The following NR2C1 variants were observed in gnomAD, a reference collection of about 807,000 sequenced individuals.
The protein encoded by NR2C1 is TR2 nuclear hormone receptor.
A neutral mutation model predicts 74.8 loss-of-function variants in NR2C1; 33 were observed. The ratio of observed to expected loss-of-function variants is 0.44; its 90% CI spans 0.33 to 0.59. The LOEUF (loss-of-function observed/expected upper bound fraction) is 0.59. Among genes scored for constraint, NR2C1 ranks in the 20% least tolerant of loss-of-function variants. The probability of loss-of-function intolerance (pLI) is 0.02; values close to 1 mark genes in which losing one functional copy is unlikely to be tolerated. For synonymous variants in NR2C1, 225 were observed against 240.6 expected (o/e 0.94, Z 0.60); for missense variants, 568 against 715.6 (o/e 0.79, Z 2.35).
intron 10 of NR2C1, among the ~76,000 whole-genome samples, chr12:95,031,855 G>GA (rs1870152930): frequency 6.6e-6 from 1 of 152,130 alleles, no homozygotes; most frequent in Non-Finnish European, 1.5e-5. Context: ...CCTTTTAAAA[G>GA]AAAGAGCAAT....
chr12:95,030,939 A>G (rs1011339788), intron 11 of NR2C1: 89 of 1,186,012 alleles, frequency 7.5e-5, no homozygotes, highest in African/African-American at 1.8e-4. Flanking sequence ...AGGTGAGAGA[A>G]TACACTCTGA....
Position 95,022,132 on chromosome 12 carries a change from G to C in NR2C1, c.*97C>G. 1.0e-6 allele frequency: 1 copy of C among 999,210 alleles called. No homozygotes were observed. Among genetic ancestry groups the C allele is most frequent in the Non-Finnish European group, 1.4e-6 (1 of 720,770 alleles). The allele number at this position is 999,210 out of a possible 1,614,324, so 61.9% of individuals were successfully genotyped here. Reference sequence around the variant, plus strand: ...CCTTGGATTCTGGTTACTTTTTAAAGTAAAAATTTCCAGATGCCTCAAAAG... The same window carrying C: ...CCTTGGATTCTGGTTACTTTTTAAACTAAAAATTTCCAGATGCCTCAAAAG... On this transcript the variant is annotated 3_prime_UTR_variant, in exon 14 of 14. Coordinates refer to ENST00000333003, the MANE Select transcript of NR2C1 (RefSeq NM_003297.4).
intron 2 of NR2C1, among the ~76,000 whole-genome samples, chr12:95,064,941 A>C (rs1875432056): frequency 6.6e-6 from 1 of 152,226 alleles, no homozygotes; most frequent in Non-Finnish European, 1.5e-5. Context: ...AATTGTTTGG[A>C]TAAAAGACTA....
Position 95,059,999 on chromosome 12 carries a change from A to G in NR2C1, c.286-15T>C, listed in dbSNP as rs766093519. 4.5e-6 allele frequency: 7 copies of G among 1,549,264 alleles called. No individual in the cohort carries two copies. The highest frequency in any genetic ancestry group is 6.0e-6 in the Non-Finnish European group (7 of 1,157,054). On this transcript the variant is annotated splice_polypyrimidine_tract_variant and intron_variant, in intron 3 of 13. Coordinates refer to ENST00000333003, the MANE Select transcript of NR2C1 (RefSeq NM_003297.4). Reference sequence around the variant, plus strand: ...TCTGTTAGGAGCTAAAAAAAAAAAAAAAAAAAAAGAAAACAAAAACGAAAA... The same window carrying G: ...TCTGTTAGGAGCTAAAAAAAAAAAAGAAAAAAAAGAAAACAAAAACGAAAA...
In NR2C1 at chr12:95,073,362, C is replaced by T. The variant is rs1877040244; in HGVS notation, c.-8+18G>A. On this transcript the variant is annotated intron_variant, in intron 1 of 13. Transcript: ENST00000333003. ...GCCCCCGACGCGGTCGCTGGTGTCC[C>T]CACCCAGCGTTTCTTACCGGCGCTT... 6.6e-6 allele frequency: 1 copy of T among 152,278 alleles called. No homozygotes were observed. The highest frequency in any genetic ancestry group is 2.4e-5 in the African/African-American group (1 of 41,476). The allele number at this position is 152,278 out of a possible 1,614,324, so 9.4% of individuals were successfully genotyped here.
intron 12 of NR2C1, among the ~76,000 whole-genome samples, chr12:95,027,840 A>C (rs1869553945): frequency 6.6e-6 from 1 of 152,204 alleles, no homozygotes; most frequent in Admixed American, 6.5e-5. Flanking sequence ...CTCCAAAAAA[A>C]ACACTCTACC....
intron 2 of NR2C1, 143 bp downstream of exon 2, chr12:95,067,188 T>G: frequency 1.4e-6 from 1 of 723,144 alleles, no homozygotes; most frequent in Non-Finnish European, 2.4e-6. Context: ...TGTCTGATTA[T>G]TCAACTATCT....
At chr12:95,044,794 A>T (rs1872097891) in intron 9 of NR2C1, among the ~76,000 whole-genome samples, 2 of 152,096 alleles carry the variant, frequency 1.3e-5, no homozygotes, top group South Asian at 4.1e-4. Flanking sequence ...AGGTGGGAGG[A>T]TGGCTTGAGT....
chr12:95,049,178 T>A lies in NR2C1; in HGVS notation c.1021A>T (p.Ser341Cys). ...CTTCCTTCCATGCCCGCTACTGAGC[T>A]CTGGCAGGCTGTGCTCTCTCCAGGA... ...LNPGESTACQ[S>C]SVAGMEGSVH... Residue 341 changes from serine to cysteine, a missense_variant, in exon 9 of 14, where the codon AGC becomes TGC. Transcript: ENST00000333003. 6.2e-7 allele frequency: 1 copy of A among 1,614,156 alleles called. No individual in the cohort carries two copies. Among genetic ancestry groups the A allele is most frequent in the Non-Finnish European group, 8.5e-7 (1 of 1,179,998 alleles).
intron 2 of NR2C1, among the ~76,000 whole-genome samples, chr12:95,066,747 T>C (rs1015966081): frequency 1.3e-5 from 2 of 152,242 alleles, no homozygotes; most frequent in Admixed American, 6.5e-5. Flanking sequence ...TTTCATCATA[T>C]AGTATCATCA....
intron 2 of NR2C1, 199 bp downstream of exon 2, chr12:95,067,132 C>G: frequency 6.7e-6 from 4 of 595,588 alleles, no homozygotes; most frequent in South Asian, 4.3e-5. Flanking sequence ...CCCATTGCAC[C>G]TGATACAATG....
intron 10 of NR2C1, 64 bp downstream of exon 10, chr12:95,040,412 G>T: frequency 6.7e-7 from 1 of 1,494,324 alleles, no homozygotes; most frequent in Non-Finnish European, 9.1e-7. Flanking sequence ...AAAATAAAAA[G>T]TTTTGTTTAA....
At chr12:95,027,495 G>C (rs1592722022) in intron 12 of NR2C1, among the ~76,000 whole-genome samples, 2 of 152,270 alleles carry the variant, frequency 1.3e-5, no homozygotes, top group Admixed American at 1.3e-4. Flanking sequence ...CCAGCACTTT[G>C]GGAGGCCGAG....
intron 11 of NR2C1, among the ~76,000 whole-genome samples, chr12:95,029,514 ACAAAC>A (rs200049758): frequency 0.02 from 3,004 of 151,696 alleles, 92 homozygotes; most frequent in African/African-American, 0.07. Context: ...AAAAAAAACA[ACAAAC>A]CAAACAAACA....
At chr12:95,031,744 T>A (rs1870137975) in intron 10 of NR2C1, among the ~76,000 whole-genome samples, 1 of 152,182 alleles carries the variant, frequency 6.6e-6, no homozygotes, top group African/African-American at 2.4e-5. Context: ...CTAAAAAAGT[T>A]GGGGCTTTAA....
At chr12:95,066,399 G>A (rs116511273) in intron 2 of NR2C1, among the ~76,000 whole-genome samples, 2,057 of 152,106 alleles carry the variant, frequency 0.014, 41 homozygotes, top group African/African-American at 0.047. Context: ...AAAATCAGCC[G>A]GAAACCTATT....
At chr12:95,034,926 C>T (rs1870622449) in intron 10 of NR2C1, among the ~76,000 whole-genome samples, 1 of 152,116 alleles carries the variant, frequency 6.6e-6, no homozygotes, top group Non-Finnish European at 1.5e-5. Flanking sequence ...AAATGGGCAA[C>T]ACATGCCTAT....
In NR2C1 at chr12:95,022,377, GGC is replaced by G; in HGVS notation, c.1662_1663del (p.Leu554PhefsTer12). 1 of 1,611,980 alleles carries G rather than the reference GGC, an allele frequency of 6.2e-7. No homozygotes were observed. Among genetic ancestry groups the G allele is most frequent in the Non-Finnish European group, 8.5e-7 (1 of 1,179,530 alleles). ...GGTAGCATTCATCAGTCTTAAAGCTGGCAATCTGAGTAGTAGTCTGGATAACC... is the reference window on the plus strand; with the variant it reads ...GGTAGCATTCATCAGTCTTAAAGCTGAATCTGAGTAGTAGTCTGGATAACC... On this transcript the variant is annotated frameshift_variant, in exon 14 of 14. Coordinates refer to ENST00000333003, the MANE Select transcript of NR2C1 (RefSeq NM_003297.4). LOFTEE classifies it high-confidence loss of function.
At chr12:95,035,007 C>T (rs946033237) in intron 10 of NR2C1, among the ~76,000 whole-genome samples, 1 of 152,116 alleles carries the variant, frequency 6.6e-6, no homozygotes, top group African/African-American at 2.4e-5. Context: ...CATTGTAGCA[C>T]TGGATATAAT....
Sources: allele counts gnomAD v4.1 joint callset (sites outside exome capture counted in the v4.1 genomes callset), GRCh38; gene constraint gnomAD v4.1.1; transcripts MANE v1.5; gene names NCBI Gene and HGNC (gene_info 2026-07-23, HGNC 2026-07-21).